The following ICA1L variants were observed in gnomAD, a reference collection of about 807,000 sequenced individuals.
The protein encoded by ICA1L is islet cell autoantigen 1-like protein.
Under a neutral mutation model 61.3 loss-of-function variants are expected in ICA1L, and 50 were observed. The ratio of observed to expected loss-of-function variants is 0.82; its 90% confidence interval spans 0.65 to 1.03. ICA1L has a LOEUF of 1.03. Among genes scored for constraint, ICA1L ranks in the 50% least tolerant of loss-of-function variants. The pLI is 0.00. For missense variants in ICA1L, 508 were observed against 556.7 expected, an observed-to-expected ratio of 0.91 and a Z score of 0.88; for synonymous variants, 161 against 191.3, an observed-to-expected ratio of 0.84 and a Z score of 1.31.
chr2:202,814,647 T>C (rs1006824660), intron 8 of ICA1L, 55 bp downstream of exon 8: 27 of 1,115,230 alleles, frequency 2.4e-5, no homozygotes, highest in East Asian at 4.7e-5. Flanking sequence ...ACATATATCA[T>C]ATGATGGTAT....
At position 202,773,805 on chromosome 2, in the gene ICA1L, C is replaced by G; in HGVS notation, c.*5728G>C. 7.2e-7 allele frequency: 1 copy of G among 1,396,642 alleles called. No homozygotes were observed. The highest frequency in any genetic ancestry group is 1.0e-6 in the Non-Finnish European group (1 of 984,694). The allele number at this position is 1,396,642 out of a possible 1,614,324, so 86.5% of individuals were successfully genotyped here. A position where few individuals can be genotyped will look rare whatever the true frequency, so the allele number is the denominator to read the frequency against. ...CGGTATGGTAATAGGCAAGAGCAGGCTGTAAAAGCAAAGGCTAGCTGTGCA... is the reference window on the plus strand; with the variant it reads ...CGGTATGGTAATAGGCAAGAGCAGGGTGTAAAAGCAAAGGCTAGCTGTGCA... On this transcript the variant is annotated 3_prime_UTR_variant, in exon 13 of 13. Coordinates refer to ENST00000358299, the MANE Select transcript of ICA1L (RefSeq NM_001288622.3).
intron 9 of ICA1L, among the ~76,000 whole-genome samples, chr2:202,808,850 A>G (rs2105840945): frequency 6.6e-6 from 1 of 152,356 alleles, no homozygotes; most frequent in African/African-American, 2.4e-5. Context: ...ATACAGCTAC[A>G]ATGACCAAAG....
rs59202140 is a variant in ICA1L, at chr2:202,839,498, CAAAAAAA to C, written c.-7-10489_-7-10483del. ...TGGGCAACAGAGTGAGACTCCGTCT[CAAAAAAA>C]AAAAAAAAAAAAAAGGTGAAGTGAG... On this transcript the variant is annotated intron_variant, in intron 1 of 12. Coordinates refer to ENST00000358299, the MANE Select transcript of ICA1L (RefSeq NM_001288622.3). Among the ~76,000 whole-genome samples, 50 of 25,424 alleles carry C rather than the reference CAAAAAAA, an allele frequency of 2.0e-3. No homozygotes were observed. The East Asian group carries it at 0.059, about 30-fold the overall frequency. 16.7% of individuals were successfully genotyped at this position (25,424 alleles called of 152,430 possible).
At chr2:202,796,683 C>G (rs1692936597) in intron 10 of ICA1L, among the ~76,000 whole-genome samples, 1 of 152,152 alleles carries the variant, frequency 6.6e-6, no homozygotes, top group Non-Finnish European at 1.5e-5. Flanking sequence ...CCTAGCTGTC[C>G]TGGTTATACG....
At chr2:202,789,302 T>C (rs1015300943) in intron 10 of ICA1L, among the ~76,000 whole-genome samples, 4 of 152,172 alleles carry the variant, frequency 2.6e-5, no homozygotes, top group African/African-American at 9.7e-5. Context: ...ATATAACCAT[T>C]ATGAATGCTA....
intron 11 of ICA1L, 87 bp from the exon 12 acceptor site, chr2:202,786,094 C>T: frequency 1.4e-6 from 1 of 739,136 alleles, no homozygotes; most frequent in Admixed American, 2.2e-5. Flanking sequence ...ATATCTAAGT[C>T]CTCCAGTCTT....
intron 9 of ICA1L, among the ~76,000 whole-genome samples, chr2:202,810,728 T>A (rs1693352293): frequency 7.2e-5 from 11 of 152,062 alleles, no homozygotes; most frequent in Admixed American, 6.6e-4. Flanking sequence ...ATAGGAGAAA[T>A]ATCGCTGGAT....
intron 1 of ICA1L, among the ~76,000 whole-genome samples, chr2:202,864,281 T>C (rs1045783942): frequency 1.3e-5 from 2 of 152,044 alleles, no homozygotes; most frequent in African/African-American, 4.8e-5. Context: ...TCTTGCTCTG[T>C]CGCCCAGGCT....
chr2:202,838,604 T>C (rs1694217234), intron 1 of ICA1L, among the ~76,000 whole-genome samples: 1 of 152,234 alleles, frequency 6.6e-6, no homozygotes, highest in Non-Finnish European at 1.5e-5. Flanking sequence ...ACTCTGATGT[T>C]GCATGTAACA....
chr2:202,789,562 A>G (rs945663696), intron 10 of ICA1L, among the ~76,000 whole-genome samples: 45 of 152,282 alleles, frequency 3.0e-4, no homozygotes, highest in Admixed American at 7.9e-4. Context: ...ATACTAAGGC[A>G]CACACACACA....
intron 1 of ICA1L, chr2:202,840,335 T>C: frequency 2.1e-6 from 1 of 479,556 alleles, no homozygotes. Context: ...AGCTGTTCAC[T>C]TGGGCAGGAC....
intron 9 of ICA1L, among the ~76,000 whole-genome samples, chr2:202,809,027 C>A (rs1291557696): frequency 6.6e-6 from 1 of 152,028 alleles, no homozygotes; most frequent in Admixed American, 6.6e-5. Context: ...GAAAGCATGA[C>A]CTCACCAAAC....
At chr2:202,863,759 G>A (rs989583515) in intron 1 of ICA1L, among the ~76,000 whole-genome samples, 4 of 151,292 alleles carry the variant, frequency 2.6e-5, no homozygotes, top group African/African-American at 9.7e-5. Flanking sequence ...CCCGGGAGGC[G>A]GAGCTTGCAG....
chr2:202,841,034 G>T, intron 1 of ICA1L: 1 of 660,592 alleles, frequency 1.5e-6, no homozygotes, highest in Non-Finnish European at 2.9e-6. Context: ...AGTGGCTGTT[G>T]TTCATGCACA....
At chr2:202,850,674 G>A (rs1167344936) in intron 1 of ICA1L, among the ~76,000 whole-genome samples, 4 of 152,226 alleles carry the variant, frequency 2.6e-5, no homozygotes, top group Non-Finnish European at 4.4e-5. Context: ...TGGTTTACCT[G>A]AAAGTGACAG....
intron 1 of ICA1L, among the ~76,000 whole-genome samples, chr2:202,839,819 G>T (rs1354782321): frequency 6.6e-6 from 1 of 151,490 alleles, no homozygotes; most frequent in Non-Finnish European, 1.5e-5. Context: ...TTCTCTAGTG[G>T]TATGCTTTAA....
At chr2:202,794,824 A>G (rs1374676850) in intron 10 of ICA1L, among the ~76,000 whole-genome samples, 1 of 152,174 alleles carries the variant, frequency 6.6e-6, no homozygotes, top group Non-Finnish European at 1.5e-5. Flanking sequence ...TCTGAAAGAT[A>G]TACAAGTAAA....
intron 9 of ICA1L, among the ~76,000 whole-genome samples, chr2:202,807,694 A>AG (rs1693263005): frequency 6.6e-6 from 1 of 152,110 alleles, no homozygotes; most frequent in African/African-American, 2.4e-5. Context: ...AGTGCAGCTT[A>AG]CAGCTCCAGG....
intron 1 of ICA1L, among the ~76,000 whole-genome samples, chr2:202,862,995 A>T (rs1694962598): frequency 6.6e-6 from 1 of 151,842 alleles, no homozygotes; most frequent in Admixed American, 6.6e-5. Flanking sequence ...TTAAATACCT[A>T]CATTAGAAAA....
Sources: gnomAD v4.1 joint callset for allele counts (sites outside exome capture counted in the v4.1 genomes callset) on GRCh38, gnomAD v4.1.1 for gene constraint, MANE v1.5 for transcripts, NCBI Gene and HGNC (gene_info 2026-07-23, HGNC 2026-07-21) for gene names.